EPG5: variants seen among roughly 807,000 people sequenced by gnomAD.
EPG5 encodes the protein ectopic P granules protein 5 homolog.
EPG5 carries 159 observed loss-of-function variants against 302.7 expected under a neutral mutation model. That is an observed-to-expected ratio of 0.53 (90% CI 0.46 to 0.60). The LOEUF is 0.60. Among genes scored for constraint, EPG5 ranks in the 20% least tolerant of loss-of-function variants. The pLI is 0.00. For missense variants in EPG5, 2,896 were observed against 3,092.4 expected, an observed-to-expected ratio of 0.94 and a Z score of 1.51; for synonymous variants, 1,158 against 1,136.8, an observed-to-expected ratio of 1.02 and a Z score of -0.37.
Position 45,953,452 on chromosome 18 carries a change from T to C in EPG5, c.1009-809A>G, listed in dbSNP as rs1012013409. The C allele has an allele frequency of 8.1e-6, 8 of 985,254 alleles. No homozygotes were observed. The African/African-American group carries it at 1.0e-4, about 13-fold the overall frequency. The allele number at this position is 985,254 out of a possible 1,614,324, so 61.0% of individuals were successfully genotyped here. Reference sequence around the variant, plus strand: ...TTTCCCTCCTTACTATGTACAGAGATATACAGGTCTGCCAATGAATGAGGA... The same window carrying C: ...TTTCCCTCCTTACTATGTACAGAGACATACAGGTCTGCCAATGAATGAGGA... On this transcript the variant is annotated intron_variant, in intron 2 of 43. Transcript: ENST00000282041.
the EPG5 span, chr18:45,829,013 T>C: frequency 2.3e-6 from 2 of 857,896 alleles, no homozygotes; most frequent in Non-Finnish European, 2.8e-6. Flanking sequence ...AAGTCCTATC[T>C]GGGGCGGGAA....
At chr18:45,864,466 C>T (rs949752525) in intron 39 of EPG5, among the ~76,000 whole-genome samples, 1 of 152,244 alleles carries the variant, frequency 6.6e-6, no homozygotes, top group African/African-American at 2.4e-5. Context: ...CTTCAATCCT[C>T]TCTTATTTCA....
chr18:45,952,808 G>A (rs2050941818), intron 2 of EPG5, among the ~76,000 whole-genome samples, 165 bp from the exon 3 acceptor site: 1 of 152,136 alleles, frequency 6.6e-6, no homozygotes, highest in African/African-American at 2.4e-5. Flanking sequence ...GCAAATATAT[G>A]ATCAGGTGCA....
Position 45,933,669 on chromosome 18 carries a change from C to CAA in EPG5, c.2257+1138_2257+1139dup, listed in dbSNP as rs34283302. Among the ~76,000 whole-genome samples the CAA allele has an allele frequency of 4.9e-3, 661 of 135,240 alleles. 4 individuals are homozygous for CAA. Among genetic ancestry groups the CAA allele is most frequent in the Non-Finnish European group, 7.4e-3 (471 of 63,908 alleles). 88.7% of individuals were successfully genotyped at this position (135,240 alleles called of 152,430 possible). On this transcript the variant is annotated intron_variant, in intron 11 of 43. Transcript: ENST00000282041. Reference sequence around the variant, plus strand: ...CTCCAGCCGGGGCAATGCTCATTCTCAAAAAAAAAAAAGAAATGGAAATAA... The same window carrying CAA: ...CTCCAGCCGGGGCAATGCTCATTCTCAAAAAAAAAAAAAAGAAATGGAAATAA...
chr18:45,837,748 G>C, the EPG5 span: 1 of 1,514,678 alleles, frequency 6.6e-7, no homozygotes, highest in South Asian at 1.2e-5. Context: ...GCTTCCGGCT[G>C]CTGGGCAACC....
intron 25 of EPG5, 152 bp from the exon 26 acceptor site, chr18:45,901,319 C>T: frequency 2.9e-6 from 2 of 680,716 alleles, no homozygotes; most frequent in South Asian, 2.1e-5. Flanking sequence ...TAAATTATTA[C>T]CCTAGACAGG....
chr18:45,874,815 G>T (rs372461097), intron 35 of EPG5, among the ~76,000 whole-genome samples: 1 of 152,184 alleles, frequency 6.6e-6, no homozygotes, highest in Non-Finnish European at 1.5e-5. Flanking sequence ...AGGGGCACTA[G>T]GTGTATTCAG....
chr18:45,952,749 G>T, intron 2 of EPG5, 106 bp from the exon 3 acceptor site: 2 of 1,184,472 alleles, frequency 1.7e-6, no homozygotes, highest in Non-Finnish European at 2.4e-6. Flanking sequence ...TCTTCAAAGA[G>T]CTTATAATCA....
rs1212913507 is a variant in EPG5, at chr18:45,887,921, T to C, written c.4953-14A>G. 3.3e-6 allele frequency: 5 copies of C among 1,536,382 alleles called. No individual in the cohort carries two copies. In the African/African-American group the frequency reaches 6.8e-5, roughly 21 times the overall value. On this transcript the variant is annotated splice_polypyrimidine_tract_variant and intron_variant, in intron 28 of 43. Transcript: ENST00000282041. ...TTCACTAAGGCCCTGTGGGAAAATGTGGGTAAGACTGCAGTCTACAGTAAA... is the reference window on the plus strand; with the variant it reads ...TTCACTAAGGCCCTGTGGGAAAATGCGGGTAAGACTGCAGTCTACAGTAAA...
chr18:45,928,952 A>T lies in EPG5; in HGVS notation c.2470T>A (p.Leu824Ile). Residue 824 changes from leucine to isoleucine, a missense_variant, in exon 13 of 44, where the codon TTA becomes ATA. By Grantham distance (5) the Leu-to-Ile change is conservative. This residue lies in a region of EPG5 where 1,390 missense variants were observed against 1,430.0 expected (regional missense o/e 0.97). Coordinates refer to ENST00000282041, the MANE Select transcript of EPG5 (RefSeq NM_020964.3). ...GGGTGAACAGCTGTGATAGTCCCTAAAAGCTCTCGACCAACCTTTGAAAAA... is the reference window on the plus strand; with the variant it reads ...GGGTGAACAGCTGTGATAGTCCCTATAAGCTCTCGACCAACCTTTGAAAAA... ...ETFSKVGREL[L>I]GTITAVHPEI... 6.2e-7 allele frequency: 1 copy of T among 1,614,014 alleles called. No individual in the cohort carries two copies. Among genetic ancestry groups the T allele is most frequent in the Non-Finnish European group, 8.5e-7 (1 of 1,179,888 alleles).
In EPG5 at chr18:45,848,394, T is replaced by C. The variant is rs1163508077; in HGVS notation, c.*4073A>G. The C allele has an allele frequency of 6.6e-6, 1 of 152,244 alleles. No individual in the cohort carries two copies. Among genetic ancestry groups the C allele is most frequent in the Non-Finnish European group, 1.5e-5 (1 of 68,054 alleles). 9.4% of individuals were successfully genotyped at this position (152,244 alleles called of 1,614,324 possible). Reference sequence around the variant, plus strand: ...TGAAGATGTGGGGTGAGATCTGTCTTGGGCAACAACTGATATTAAGCTGAG... The same window carrying C: ...TGAAGATGTGGGGTGAGATCTGTCTCGGGCAACAACTGATATTAAGCTGAG... On this transcript the variant is annotated 3_prime_UTR_variant, in exon 44 of 44. Transcript: ENST00000282041.
In EPG5 at chr18:45,957,821, T is replaced by C. The variant is rs144785451; in HGVS notation, c.64-2483A>G. Among the ~76,000 whole-genome samples the C allele has an allele frequency of 5.2e-3, 796 of 152,350 alleles. 5 individuals carry two copies. Among genetic ancestry groups the C allele is most frequent in the African/African-American group, 0.018 (741 of 41,582 alleles). The stretch of plus-strand genomic sequence containing the variant: ...CTTGGAAAATCATAAGATGTGGCAA[T>C]GCTAAACCATCACAACCTCACAGCA... On this transcript the variant is annotated intron_variant, in intron 1 of 43. Transcript: ENST00000282041.
intron 2 of EPG5, chr18:45,953,916 T>C (rs1377676035): frequency 1.0e-6 from 1 of 985,326 alleles, no homozygotes; most frequent in Non-Finnish European, 1.2e-6. Flanking sequence ...TCTCTTCCCA[T>C]TGGATGTTGG....
In EPG5 at chr18:45,928,953, A is replaced by C; in HGVS notation, c.2469T>G (p.Leu823=). The C allele has an allele frequency of 6.2e-7, 1 of 1,613,956 alleles. No individual in the cohort carries two copies. Among genetic ancestry groups the C allele is most frequent in the Non-Finnish European group, 8.5e-7 (1 of 1,179,882 alleles). ...GGTGAACAGCTGTGATAGTCCCTAA[A>C]AGCTCTCGACCAACCTTTGAAAAAG... The part of the protein sequence containing the change: ...RETFSKVGRE[L]LGTITAVHPE... Residue 823 remains leucine (L), a synonymous_variant, in exon 13 of 44, where the codon CTT becomes CTG. Transcript: ENST00000282041.
At chr18:45,945,873 GCACTCTGGGAAATA>G (rs756797967) in intron 7 of EPG5, among the ~76,000 whole-genome samples, 2 of 152,164 alleles carry the variant, frequency 1.3e-5, no homozygotes, top group Non-Finnish European at 2.9e-5. Flanking sequence ...TTCTGAATGA[GCACTCTGGGAAATA>G]CACAGACACG....
chr18:45,873,532 T>C (rs1016109301), intron 35 of EPG5, among the ~76,000 whole-genome samples: 2 of 151,734 alleles, frequency 1.3e-5, no homozygotes, highest in African/African-American at 2.4e-5. Context: ...AAAAAAGAAA[T>C]TAAATATATA....
intron 24 of EPG5, among the ~76,000 whole-genome samples, chr18:45,905,441 C>A (rs928156816): frequency 3.9e-5 from 6 of 152,170 alleles, no homozygotes; most frequent in Non-Finnish European, 8.8e-5. Flanking sequence ...AGAGGAGGAG[C>A]TCCAATGTAA....
chr18:45,891,558 T>C (rs2049349101), intron 27 of EPG5, among the ~76,000 whole-genome samples: 1 of 152,032 alleles, frequency 6.6e-6, no homozygotes, highest in Non-Finnish European at 1.5e-5. Flanking sequence ...TTGTTTTACT[T>C]ACCCAGAACC....
chr18:45,837,718 G>C, the EPG5 span: 16 of 1,493,822 alleles, frequency 1.1e-5, no homozygotes, highest in South Asian at 1.4e-4. Flanking sequence ...TCTGCCAGAC[G>C]GCGCTGAGCC....
Sources: gnomAD v4.1 joint callset for allele counts (sites outside exome capture counted in the v4.1 genomes callset) on GRCh38, gnomAD v4.1.1 for gene constraint, gnomAD v4.1.1 regional missense constraint, MANE v1.5 for transcripts, NCBI Gene and HGNC (gene_info 2026-07-23, HGNC 2026-07-21) for gene names.